The following JADE1 variants were observed in gnomAD, a reference collection of about 807,000 sequenced individuals.
JADE1 encodes protein Jade-1.
JADE1 carries 14 observed loss-of-function variants against 81.8 expected under a neutral mutation model. The observed-to-expected ratio is 0.17, with a 90% CI of 0.11 to 0.27. The LOEUF (loss-of-function observed/expected upper bound fraction) is 0.27, where lower values mean the gene tolerates loss of function less well. Among genes scored for constraint, JADE1 ranks in the 10% least tolerant of loss-of-function variants. The pLI is 1.00. For missense variants in JADE1, 690 were observed against 1,047.9 expected (o/e 0.66, Z 4.71); for synonymous variants, 353 against 391.9 (o/e 0.90, Z 1.17).
chr4:128,823,560 G>A (rs1023076416), intron 1 of JADE1, among the ~76,000 whole-genome samples: 3 of 152,080 alleles, frequency 2.0e-5, no homozygotes, highest in African/African-American at 7.2e-5. Context: ...ATATTTGTAA[G>A]TTTTACCTCC....
intron 1 of JADE1, among the ~76,000 whole-genome samples, chr4:128,810,755 G>A (rs1362911150): frequency 2.0e-5 from 3 of 150,392 alleles, no homozygotes; most frequent in Admixed American, 6.6e-5. Flanking sequence ...GGGGGTGGAG[G>A]GACAGTTTGG....
chr4:128,868,945 T>G (rs995204436), intron 10 of JADE1, among the ~76,000 whole-genome samples: 1 of 152,178 alleles, frequency 6.6e-6, no homozygotes, highest in African/African-American at 2.4e-5. Flanking sequence ...GTTGATTCAC[T>G]CTTGTTTTTG....
rs1325039568 is a variant in JADE1, at chr4:128,832,770, G to C, written c.52+960G>C. On this transcript the variant is annotated intron_variant, in intron 2 of 10. Coordinates refer to ENST00000226319, the MANE Select transcript of JADE1 (RefSeq NM_199320.4). ...GGATGAAATACTTTTTAGGCAAATAGGGTTATTTTCAGTTTTCTGTGCTCT... is the reference window on the plus strand; with the variant it reads ...GGATGAAATACTTTTTAGGCAAATACGGTTATTTTCAGTTTTCTGTGCTCT... Among the ~76,000 whole-genome samples the C allele has an allele frequency of 2.0e-5, 3 of 152,332 alleles. No individual in the cohort carries two copies. In the East Asian group the frequency reaches 5.8e-4, roughly 29 times the overall value.
intron 2 of JADE1, among the ~76,000 whole-genome samples, chr4:128,840,729 C>T (rs1227674353): frequency 6.6e-6 from 1 of 152,216 alleles, no homozygotes; most frequent in Non-Finnish European, 1.5e-5. Flanking sequence ...TTGGGCTCAC[C>T]CCAGTGTGCC....
In JADE1 at chr4:128,873,263, AAAAAAAAAAG is replaced by A. The variant is rs1165466270; in HGVS notation, c.*1009_*1018del. The A allele has an allele frequency of 6.7e-6, 1 of 149,764 alleles. No individual in the cohort carries two copies. The highest frequency in any genetic ancestry group is 1.5e-5 in the Non-Finnish European group (1 of 67,404). The allele number at this position is 149,764 out of a possible 1,614,324, so 9.3% of individuals were successfully genotyped here. Reference sequence around the variant, plus strand: ...GGATTCCTTAAGAAAAAGGAAAAAAAAAAAAAAAAGAAAAAAAGAAAAAAAAAAGAAAAAA... The same window carrying A: ...GGATTCCTTAAGAAAAAGGAAAAAAAAAAAAAAGAAAAAAAAAAGAAAAAA... On this transcript the variant is annotated 3_prime_UTR_variant, in exon 11 of 11. Transcript: ENST00000226319.
chr4:128,810,080 A>G (rs1726206343), intron 1 of JADE1: 1 of 152,998 alleles, frequency 6.5e-6, no homozygotes, highest in South Asian at 1.8e-4. Flanking sequence ...GAGTAATTTA[A>G]TGCCGAAGGT....
At chr4:128,862,943 T>C (rs1014115263) in intron 9 of JADE1, 1 of 986,344 alleles carries the variant, frequency 1.0e-6, no homozygotes, top group African/African-American at 1.8e-5. Flanking sequence ...CATGTCTCTG[T>C]TGTGTGTCTG....
chr4:128,812,226 C>G (rs555718710), intron 1 of JADE1, among the ~76,000 whole-genome samples: 38 of 152,188 alleles, frequency 2.5e-4, no homozygotes, highest in Middle Eastern at 3.4e-3. Context: ...CATCACTGCA[C>G]CGGGGCTAAT....
At chr4:128,863,539 T>C (rs1032591304) in intron 9 of JADE1, 13 of 985,306 alleles carry the variant, frequency 1.3e-5, no homozygotes, top group African/African-American at 1.7e-5. Context: ...AATACACGAC[T>C]GAGTGCCAGC....
chr4:128,843,152 G>A (rs1221606408), intron 3 of JADE1, 114 bp downstream of exon 3: 8 of 797,332 alleles, frequency 1.0e-5, no homozygotes, highest in Non-Finnish European at 1.6e-5. Flanking sequence ...TTGTGCTCCA[G>A]TTTCCAAATC....
intron 5 of JADE1, 149 bp downstream of exon 5, chr4:128,849,316 A>G (rs1295166444): frequency 7.5e-6 from 5 of 667,120 alleles, no homozygotes; most frequent in African/African-American, 5.5e-5. Flanking sequence ...CCTGCCTTAG[A>G]TCTCAGCCTG....
chr4:128,824,404 C>T (rs757686479), intron 1 of JADE1, among the ~76,000 whole-genome samples: 5 of 150,370 alleles, frequency 3.3e-5, no homozygotes, highest in South Asian at 2.1e-4. Context: ...GGTGACAGAG[C>T]GAGACTCCAA....
chr4:128,869,737 A>T (rs571609449), intron 10 of JADE1, among the ~76,000 whole-genome samples: 44 of 152,362 alleles, frequency 2.9e-4, no homozygotes, highest in South Asian at 2.1e-3. Flanking sequence ...GAAAAGGAAA[A>T]CAAATCTTCC....
intron 8 of JADE1, among the ~76,000 whole-genome samples, chr4:128,858,115 G>A (rs747718213): frequency 1.3e-5 from 2 of 152,118 alleles, no homozygotes; most frequent in African/African-American, 2.4e-5. Flanking sequence ...GAGCGTGAGC[G>A]AAAGAGTGCG....
At chr4:128,857,668 C>G (rs546123335) in intron 8 of JADE1, among the ~76,000 whole-genome samples, 2 of 152,304 alleles carry the variant, frequency 1.3e-5, no homozygotes, top group Non-Finnish European at 2.9e-5. Flanking sequence ...TTCACAGTCA[C>G]AGGGTAGTTC....
Position 128,871,329 on chromosome 4 carries a change from C to G in JADE1, c.1622-26C>G. The G allele has an allele frequency of 6.3e-7, 1 of 1,581,512 alleles. No individual in the cohort carries two copies. The highest frequency in any genetic ancestry group is 1.4e-5 in the African/African-American group (1 of 73,316). On this transcript the variant is annotated intron_variant, in intron 10 of 10. Transcript: ENST00000226319. This position sits in a 1 kb window ranked among gnomAD's most constrained non-coding sequence, Gnocchi z 4.1. ...TGGATTTGCTTCTGCTGTAATTTTT[C>G]TTTATTTGTGGTTTTATGTTTATAG...
At chr4:128,821,060 T>C (rs916391450) in intron 1 of JADE1, among the ~76,000 whole-genome samples, 2 of 152,236 alleles carry the variant, frequency 1.3e-5, no homozygotes. Context: ...AATGAGCTTT[T>C]AGAGTTTGAT....
chr4:128,856,981 A>C (rs1730849265), intron 7 of JADE1, among the ~76,000 whole-genome samples: 1 of 152,178 alleles, frequency 6.6e-6, no homozygotes. Context: ...AACCTATTTG[A>C]ATCGATTTAA....
intron 2 of JADE1, among the ~76,000 whole-genome samples, chr4:128,840,169 G>C (rs1340346136): frequency 1.3e-5 from 2 of 152,190 alleles, no homozygotes; most frequent in Non-Finnish European, 2.9e-5. Context: ...TTTCAAATGA[G>C]TGTCATTATT....
Sources: gnomAD v4.1 joint callset for allele counts (sites outside exome capture counted in the v4.1 genomes callset) on GRCh38, gnomAD v4.1.1 for gene constraint, Gnocchi (gnomAD v3.1) non-coding constraint, MANE v1.5 for transcripts, NCBI Gene and HGNC (gene_info 2026-07-23, HGNC 2026-07-21) for gene names.